WDR33: variants seen among roughly 807,000 people sequenced by gnomAD.
WDR33 encodes the protein WD repeat domain 33.
A neutral mutation model predicts 164.9 loss-of-function variants in WDR33; 47 were observed. That is an observed-to-expected ratio of 0.29 (90% CI 0.23 to 0.36). WDR33 has a LOEUF of 0.36. WDR33 is among the 10% of genes least tolerant of loss of function. WDR33 has a pLI of 1.00. For missense variants in WDR33, 1,137 were observed against 1,754.1 expected (o/e 0.65, Z 6.28); for synonymous variants, 505 against 589.0 (o/e 0.86, Z 2.06).
intron 1 of WDR33, among the ~76,000 whole-genome samples, chr2:127,788,495 G>T (rs1270787778): frequency 8.4e-6 from 1 of 119,202 alleles, no homozygotes; most frequent in Non-Finnish European, 1.8e-5. Context: ...CCTCCCTCCC[G>T]GACGGGGCGG....
intron 7 of WDR33, among the ~76,000 whole-genome samples, chr2:127,748,971 G>A (rs1401182176): frequency 6.6e-6 from 1 of 150,562 alleles, no homozygotes; most frequent in Non-Finnish European, 1.5e-5. Context: ...AATAAAGCAA[G>A]ATTTTCATAT....
intron 18 of WDR33, among the ~76,000 whole-genome samples, chr2:127,711,780 A>ATATATATATATATATATATATATATT: frequency 5.7e-5 from 5 of 88,304 alleles, no homozygotes; most frequent in African/African-American, 1.3e-4. Flanking sequence ...ATATATATAT[A>ATATATATATATATATATATATATATT]TTTTTTTTTT....
intron 1 of WDR33, among the ~76,000 whole-genome samples, chr2:127,779,170 A>T (rs561232158): frequency 1.4e-3 from 32 of 22,632 alleles, no homozygotes; most frequent in East Asian, 9.3e-3. Context: ...TTTAATAATT[A>T]AAAAAAAAAA....
At chr2:127,733,721 AAAC>A (rs552612022) in intron 7 of WDR33, among the ~76,000 whole-genome samples, 15 of 152,170 alleles carry the variant, frequency 9.9e-5, no homozygotes, top group Non-Finnish European at 2.1e-4. Flanking sequence ...AAAAAACAAA[AAAC>A]AAAAAAACCC....
At chr2:127,729,433 C>G (rs1686648518) in intron 7 of WDR33, among the ~76,000 whole-genome samples, 1 of 151,632 alleles carries the variant, frequency 6.6e-6, no homozygotes, top group South Asian at 2.1e-4. Flanking sequence ...CTTCTCTATA[C>G]ATAAAGACTC....
At chr2:127,759,206 A>G (rs1043810024) in intron 7 of WDR33, among the ~76,000 whole-genome samples, 2 of 152,208 alleles carry the variant, frequency 1.3e-5, no homozygotes, top group African/African-American at 2.4e-5. Context: ...AGTGCTTCTC[A>G]ATGCTGCAGT....
chr2:127,787,559 G>T (rs1223948624), intron 1 of WDR33, among the ~76,000 whole-genome samples: 4 of 109,110 alleles, frequency 3.7e-5, no homozygotes, highest in South Asian at 3.6e-4. Flanking sequence ...CCTCCCTCCC[G>T]GACGGGGCGG....
In WDR33 at chr2:127,763,422, A is replaced by C; in HGVS notation, c.627-263T>G. On this transcript the variant is annotated intron_variant, in intron 6 of 21. Transcript: ENST00000322313. The surrounding 1 kb of genome is among the most constrained non-coding windows in gnomAD (Gnocchi z 4.5). ...TGTATTATTAGTGCTAATGCTATCCATGTTCCTTCTCTATTTTCTATGATA... is the reference window on the plus strand; with the variant it reads ...TGTATTATTAGTGCTAATGCTATCCCTGTTCCTTCTCTATTTTCTATGATA... 1 of 1,200,616 alleles carries C rather than the reference A, an allele frequency of 8.3e-7. No homozygotes were observed. The highest frequency in any genetic ancestry group is 1.0e-6 in the Non-Finnish European group (1 of 962,432). 74.4% of individuals were successfully genotyped at this position (1,200,616 alleles called of 1,614,324 possible).
chr2:127,734,655 C>T (rs1321883606), intron 7 of WDR33, among the ~76,000 whole-genome samples: 1 of 152,158 alleles, frequency 6.6e-6, no homozygotes. Flanking sequence ...CTCAACCTCT[C>T]AAATATGTGG....
At chr2:127,750,218 G>C (rs1687284118) in intron 7 of WDR33, among the ~76,000 whole-genome samples, 1 of 151,972 alleles carries the variant, frequency 6.6e-6, no homozygotes. Context: ...TGTACAAATG[G>C]GGTTTTGCCA....
At chr2:127,761,363 G>C (rs1687670005) in intron 7 of WDR33, among the ~76,000 whole-genome samples, 2 of 152,002 alleles carry the variant, frequency 1.3e-5, no homozygotes, top group African/African-American at 4.8e-5. Context: ...ACGACACCCA[G>C]CTAATTTTTT....
rs548103943 is a variant in WDR33 at position 127,796,961 on chromosome 2, C to T, written c.-24+14051G>A. On this transcript the variant is annotated intron_variant, in intron 1 of 21. Transcript: ENST00000322313. Reference sequence around the variant, plus strand: ...TCATTAGCCCCAGATTCTGCAATTGCGAATTTACCTACTTGCTAAAATTGA... The same window carrying T: ...TCATTAGCCCCAGATTCTGCAATTGTGAATTTACCTACTTGCTAAAATTGA... Among the ~76,000 whole-genome samples the T allele has an allele frequency of 2.2e-4, 34 of 152,118 alleles. 1 individual carries two copies. The highest frequency in any genetic ancestry group is 6.3e-4 in the African/African-American group (26 of 41,430).
At position 127,709,472 on chromosome 2, in the gene WDR33, A is replaced by G; in HGVS notation, c.3565+18T>C. The G allele has an allele frequency of 6.2e-7, 1 of 1,612,660 alleles. No homozygotes were observed. ...AACTGCAGTCTAGAGTTACCCAACA[A>G]GCGGTTCTTTTCCTTACCAGGCTCT... On this transcript the variant is annotated intron_variant, in intron 20 of 21. Coordinates refer to ENST00000322313, the MANE Select transcript of WDR33 (RefSeq NM_018383.5). This position sits in a 1 kb window ranked among gnomAD's most constrained non-coding sequence, Gnocchi z 5.0.
chr2:127,772,245 T>G (rs1573437619), intron 1 of WDR33, among the ~76,000 whole-genome samples: 1 of 152,136 alleles, frequency 6.6e-6, no homozygotes, highest in African/African-American at 2.4e-5. Context: ...AAGACCAGCC[T>G]GGCCAACATG....
At chr2:127,804,194 G>A (rs970611200) in intron 1 of WDR33, among the ~76,000 whole-genome samples, 7 of 151,994 alleles carry the variant, frequency 4.6e-5, no homozygotes, top group Non-Finnish European at 7.4e-5. Context: ...GGTGGCGGGC[G>A]CCTGTAGTCC....
chr2:127,710,282 T>G lies in WDR33; in HGVS notation c.3309-426A>C, dbSNP rs1686126764. ...AGCCAGTCTTGACCCTCGGCCCAGG[T>G]TCTGTATCACTGCCTCACAAATACT... is the stretch of plus-strand genomic sequence containing the variant. On this transcript the variant is annotated intron_variant, in intron 18 of 21. Coordinates refer to ENST00000322313, the MANE Select transcript of WDR33 (RefSeq NM_018383.5). The surrounding 1 kb of genome is among the most constrained non-coding windows in gnomAD (Gnocchi z 4.4). 6.6e-6 allele frequency among the ~76,000 whole-genome samples: 1 copy of G among 152,210 alleles called. No individual in the cohort carries two copies. The highest frequency in any genetic ancestry group is 2.4e-5 in the African/African-American group (1 of 41,458).
In WDR33 at chr2:127,741,694, AAG is replaced by A. The variant is rs1687019949; in HGVS notation, c.725-14919_725-14918del. Among the ~76,000 whole-genome samples, 2 of 152,248 alleles carry A rather than the reference AAG, an allele frequency of 1.3e-5. No individual in the cohort carries two copies. The highest frequency in any genetic ancestry group is 2.9e-5 in the Non-Finnish European group (2 of 68,040). On this transcript the variant is annotated intron_variant, in intron 7 of 21. Coordinates refer to ENST00000322313, the MANE Select transcript of WDR33 (RefSeq NM_018383.5). The surrounding 1 kb of genome is among the most constrained non-coding windows in gnomAD (Gnocchi z 4.1). Reference sequence around the variant, plus strand: ...ATTTGAGAAAAAGCAAGTACCAGGAAAGAGAAAAATACAGATTATATGACTTT... The same window carrying A: ...ATTTGAGAAAAAGCAAGTACCAGGAAAGAAAAATACAGATTATATGACTTT...
intron 1 of WDR33, among the ~76,000 whole-genome samples, chr2:127,792,280 C>A (rs945707260): frequency 6.6e-6 from 1 of 152,038 alleles, no homozygotes; most frequent in Non-Finnish European, 1.5e-5. Flanking sequence ...GTTCTGACCT[C>A]ACTTTGAGAA....
rs1187762943 is a variant in WDR33 at position 127,709,748 on chromosome 2, A to G, written c.3417T>C (p.Ser1139=). 6.2e-7 allele frequency: 1 copy of G among 1,614,088 alleles called. No homozygotes were observed. Among genetic ancestry groups the G allele is most frequent in the Non-Finnish European group, 8.5e-7 (1 of 1,180,046 alleles). Residue 1139 remains serine (S), a synonymous_variant, in exon 19 of 22, where the codon TCT becomes TCC. Transcript: ENST00000322313. This position sits in a 1 kb window ranked among gnomAD's most constrained non-coding sequence, Gnocchi z 5.0. The part of the protein sequence containing the change: ...DFGPEENFDA[S]EEAARGRDLR... ...GATCTCGTCCTCGGGCCGCTTCCTCAGAAGCATCAAAATTCTCCTCTGGAC... is the reference window on the plus strand; with the variant it reads ...GATCTCGTCCTCGGGCCGCTTCCTCGGAAGCATCAAAATTCTCCTCTGGAC...
Sources: gnomAD v4.1 joint callset for allele counts (sites outside exome capture counted in the v4.1 genomes callset) on GRCh38, gnomAD v4.1.1 for gene constraint, Gnocchi (gnomAD v3.1) non-coding constraint, MANE v1.5 for transcripts, NCBI Gene and HGNC (gene_info 2026-07-23, HGNC 2026-07-21) for gene names.